KRT7: variants seen among roughly 807,000 people sequenced by gnomAD.
KRT7 encodes keratin 7, also known as keratin, type II cytoskeletal 7.
KRT7 carries 50 observed loss-of-function variants against 42.8 expected under a neutral mutation model. That is an observed-to-expected ratio of 1.17 (90% CI 0.93 to 1.48). KRT7 has a LOEUF of 1.48. Among genes scored for constraint, KRT7 ranks in the 40% most tolerant of loss-of-function variants. The pLI is 0.00. For synonymous variants in KRT7, 268 were observed against 266.3 expected (o/e 1.01, Z -0.06); for missense variants, 588 against 637.6 (o/e 0.92, Z 0.84).
At chr12:52,244,535 C>T (rs772388636) in intron 6 of KRT7, 85 of 985,612 alleles carry the variant, frequency 8.6e-5, no homozygotes, top group Non-Finnish European at 1.0e-4. Context: ...CAGAGGGCCT[C>T]CTGGGGAATG....
chr12:52,248,247 TTG>T, intron 8 of KRT7, 36 bp downstream of exon 8: 3 of 1,609,576 alleles, frequency 1.9e-6, no homozygotes, highest in Non-Finnish European at 2.6e-6. Context: ...GAAGCATCCC[TTG>T]TGCTGTTTAG....
chr12:52,239,130 T>A lies in KRT7; in HGVS notation c.693+355T>A, dbSNP rs188996775. 6.6e-5 allele frequency among the ~76,000 whole-genome samples: 10 copies of A among 152,316 alleles called. No homozygotes were observed. In the East Asian group the frequency reaches 1.9e-3, roughly 29 times the overall value. On this transcript the variant is annotated intron_variant, in intron 4 of 8. Transcript: ENST00000331817. ...TTGTTGGGTTGGGGCTTTAGGTGTT[T>A]TTTTTTAGGTTGTCTTGCTGCATTT...
At chr12:52,252,616 C>T, downstream of KRT7, 1 of 1,103,212 alleles carries the variant, frequency 9.1e-7, no homozygotes, top group South Asian at 1.6e-5. Flanking sequence ...CAAATTAGTG[C>T]TCCCAGGCAT....
chr12:52,255,448 A>T (rs1163449497), downstream of KRT7: 2 of 453,608 alleles, frequency 4.4e-6, no homozygotes, highest in African/African-American at 4.0e-5. Flanking sequence ...TCTGGGGAGG[A>T]AAAAAAATGG....
At chr12:52,237,627 C>A in intron 3 of KRT7, 58 bp downstream of exon 3, 1 of 1,444,282 alleles carries the variant, frequency 6.9e-7, no homozygotes, top group Non-Finnish European at 9.6e-7. Flanking sequence ...CAAAGGACCA[C>A]AGGATCCTCT....
At chr12:52,243,308 T>A in intron 6 of KRT7, 171 bp downstream of exon 6, 3 of 734,866 alleles carry the variant, frequency 4.1e-6, no homozygotes, top group Non-Finnish European at 6.4e-6. Flanking sequence ...GGCCAGGTCC[T>A]GGCATGGGCT....
chr12:52,235,445 C>A, intron 2 of KRT7, 79 bp downstream of exon 2: 1 of 1,268,102 alleles, frequency 7.9e-7, no homozygotes, highest in Non-Finnish European at 1.1e-6. Flanking sequence ...GTGCAAGTCC[C>A]CCTGCTTCAG....
downstream of KRT7, chr12:52,253,082 G>A (rs867167467): frequency 2.4e-6 from 2 of 841,598 alleles, no homozygotes; most frequent in Non-Finnish European, 2.0e-6. Flanking sequence ...TTCCATGGAG[G>A]AGGCTGTCTG....
At chr12:52,254,244 GC>G, downstream of KRT7, 1 of 761,636 alleles carries the variant, frequency 1.3e-6, no homozygotes, top group Admixed American at 1.8e-5. Context: ...CCTCCTTGCT[GC>G]CCCGCTGCTT....
intron 3 of KRT7, among the ~76,000 whole-genome samples, chr12:52,237,951 G>C (rs1242031341): frequency 2.0e-5 from 3 of 152,230 alleles, no homozygotes; most frequent in African/African-American, 4.8e-5. Context: ...CCTCGAGCCA[G>C]CATGAGCTCT....
At chr12:52,236,173 G>A (rs1311265941) in intron 2 of KRT7, among the ~76,000 whole-genome samples, 1 of 148,174 alleles carries the variant, frequency 6.7e-6, no homozygotes, top group Admixed American at 6.8e-5. Context: ...GACTGGAGGA[G>A]AGCAAACAAG....
rs746269183 is a variant in KRT7 at position 52,245,493 on chromosome 12, G to C, written c.1066G>C (p.Glu356Gln). 1 of 1,613,984 alleles carries C rather than the reference G, an allele frequency of 6.2e-7. No homozygotes were observed. Among genetic ancestry groups the C allele is most frequent in the South Asian group, 1.1e-5 (1 of 91,074 alleles). ...CAAGGATGCTCGTGCCAAGCAGGAG[G>C]AGCTGGAAGCCGCCCTGCAGCGGGG... The part of the protein sequence containing the change: ...ALKDARAKQE[E>Q]LEAALQRGKQ... Residue 356 changes from glutamate to glutamine, a missense_variant, in exon 7 of 9, where the codon GAG becomes CAG. Glu to Gln is a conservative substitution (Grantham distance 29, BLOSUM62 2). Coordinates refer to ENST00000331817, the MANE Select transcript of KRT7 (RefSeq NM_005556.4).
chr12:52,248,743 A>C lies in KRT7; in HGVS notation c.1393A>C (p.Arg465=), dbSNP rs908193258. ...CATCCGGACCGCATCCGCCAGTCGC[A>C]GGAGTGCCCGCGACTGAGCCGCCTC... ...YSIRTASASR[R]SARD The change falls in exon 9 of 9, where the codon AGG becomes CGG. Residue 465 remains arginine, a synonymous_variant. Transcript: ENST00000331817. 5.1e-6 allele frequency: 8 copies of C among 1,582,796 alleles called. No individual in the cohort carries two copies. The highest frequency in any genetic ancestry group is 6.0e-6 in the Non-Finnish European group (7 of 1,166,076).
intron 4 of KRT7, among the ~76,000 whole-genome samples, chr12:52,241,166 A>G (rs1391227813): frequency 2.6e-5 from 4 of 152,174 alleles, no homozygotes; most frequent in Admixed American, 6.5e-5. Context: ...CCCTCACAAT[A>G]GAGCTCGTGC....
At chr12:52,243,258 C>A in intron 6 of KRT7, 121 bp downstream of exon 6, 2 of 1,163,586 alleles carry the variant, frequency 1.7e-6, no homozygotes, top group South Asian at 3.2e-5. Context: ...GTGCCACTGT[C>A]TCAGACCCCC....
chr12:52,250,669 T>C, downstream of KRT7: 2 of 649,074 alleles, frequency 3.1e-6, no homozygotes, highest in Non-Finnish European at 5.5e-6. Flanking sequence ...CAGGGCCCAG[T>C]CTCCTGGCGG....
chr12:52,246,883 G>A (rs1360524795), intron 7 of KRT7, among the ~76,000 whole-genome samples: 2 of 152,132 alleles, frequency 1.3e-5, no homozygotes, highest in Admixed American at 6.5e-5. Context: ...ACCTGATCTG[G>A]CTTCCTCCCA....
At chr12:52,236,326 C>T (rs1592388805) in intron 2 of KRT7, among the ~76,000 whole-genome samples, 1 of 151,974 alleles carries the variant, frequency 6.6e-6, no homozygotes, top group Non-Finnish European at 1.5e-5. Context: ...TCAGGACTAA[C>T]GTGTGTGCAT....
At position 52,241,578 on chromosome 12, in the gene KRT7, A is replaced by G. The variant is rs866739676; in HGVS notation, c.800A>G (p.Gln267Arg). The change falls in exon 5 of 9, where the codon CAG (glutamine) becomes CGG (arginine). Residue 267 changes from glutamine (Q) to arginine (R), a missense_variant. By Grantham distance (43) the Gln-to-Arg change is conservative. Transcript: ENST00000331817. ...LDGIIAEVKA[Q>R]YEEMAKCSRA... is the part of the protein sequence containing the mutation. ...GGCATCATCGCTGAGGTCAAGGCGC[A>G]GTATGAGGAGATGGCCAAATGCAGC... 2 of 1,613,596 alleles carry G rather than the reference A, an allele frequency of 1.2e-6. No individual in the cohort carries two copies. Among genetic ancestry groups the G allele is most frequent in the African/African-American group, 1.3e-5 (1 of 75,020 alleles).
Sources: gnomAD v4.1 joint callset for allele counts (sites outside exome capture counted in the v4.1 genomes callset) on GRCh38, gnomAD v4.1.1 for gene constraint, MANE v1.5 for transcripts, NCBI Gene and HGNC (gene_info 2026-07-23, HGNC 2026-07-21) for gene names.